Variants in BRIP1 observed in about 807,000 individuals in gnomAD.
BRIP1 encodes BRCA1 interacting DNA helicase 1, also known as Fanconi anemia group J protein.
BRIP1 carries 88 observed loss-of-function variants against 119.7 expected under a neutral mutation model. The ratio of observed to expected loss-of-function variants is 0.74; its 90% CI spans 0.62 to 0.88. BRIP1 has a LOEUF of 0.88. BRIP1 is among the 40% of genes least tolerant of loss of function. The pLI is 0.00. For missense variants in BRIP1, 1,259 were observed against 1,455.4 expected, an observed-to-expected ratio of 0.87 and a Z score of 2.20; for synonymous variants, 443 against 496.5, an observed-to-expected ratio of 0.89 and a Z score of 1.43.
In BRIP1 at chr17:61,755,388, T is replaced by C. The variant is rs909172834; in HGVS notation, c.2098-10797A>G. On this transcript the variant is annotated intron_variant, in intron 14 of 19. Transcript: ENST00000259008. This position sits in a 1 kb window ranked among gnomAD's most constrained non-coding sequence, Gnocchi z 4.5. ...CAGCCTGGGCAACTTGGCAAAACCC[T>C]GTATCTACAAAAGTACAAAAATTAG... Among the ~76,000 whole-genome samples the C allele has an allele frequency of 2.0e-5, 3 of 151,900 alleles. No homozygotes were observed. The highest frequency in any genetic ancestry group is 7.3e-5 in the African/African-American group (3 of 41,360).
rs190009367 is a variant in BRIP1 at position 61,862,620 on chromosome 17, A to C, written c.-31+664T>G. ...CATGATTGCATTTTTCTGAAGAAAA[A>C]GTCCATAGATTTCTCTTCCCGTAAA... On this transcript the variant is annotated intron_variant, in intron 1 of 19. Transcript: ENST00000259008. This position sits in a 1 kb window ranked among gnomAD's most constrained non-coding sequence, Gnocchi z 5.3. Among the ~76,000 whole-genome samples the C allele has an allele frequency of 6.6e-6, 1 of 152,322 alleles. No homozygotes were observed. Among genetic ancestry groups the C allele is most frequent in the East Asian group, 1.9e-4 (1 of 5,192 alleles).
In BRIP1 at chr17:61,801,162, A is replaced by AG. The variant is rs2077983871; in HGVS notation, c.1140+90_1140+91insC. 8.8e-6 allele frequency: 10 copies of AG among 1,134,284 alleles called. No homozygotes were observed. The South Asian group carries it at 1.2e-4, about 14-fold the overall frequency. The allele number at this position is 1,134,284 out of a possible 1,614,324, so 70.3% of individuals were successfully genotyped here. ...CAAATTTATTTACATAAATTAAAGC[A>AG]AAAAAAATTAAAACATCTAAAAGCT... On this transcript the variant is annotated intron_variant, in intron 8 of 19. Transcript: ENST00000259008.
Position 61,861,384 on chromosome 17 carries a change from T to G in BRIP1, c.93+63A>C. The G allele has an allele frequency of 2.8e-6, 3 of 1,075,040 alleles. No homozygotes were observed. The highest frequency in any genetic ancestry group is 2.5e-5 in the South Asian group (2 of 78,436). 66.6% of individuals were successfully genotyped at this position (1,075,040 alleles called of 1,614,324 possible). Reference sequence around the variant, plus strand: ...AATATGAATGCAGTCAAATACTCAATGTACTTTATGGGTCATAAGTATCTA... The same window carrying G: ...AATATGAATGCAGTCAAATACTCAAGGTACTTTATGGGTCATAAGTATCTA... On this transcript the variant is annotated intron_variant, in intron 2 of 19. Transcript: ENST00000259008. The surrounding 1 kb of genome is among the most constrained non-coding windows in gnomAD (Gnocchi z 4.5).
Position 61,687,082 on chromosome 17 carries a change from G to A in BRIP1, c.2576-917C>T, listed in dbSNP as rs1228597405. On this transcript the variant is annotated intron_variant, in intron 18 of 19. Transcript: ENST00000259008. This position sits in a 1 kb window ranked among gnomAD's most constrained non-coding sequence, Gnocchi z 5.1. ...AAAATATGTGAAATTCTCTAAAATTGAAAATTTTTAGGCTGAGTGTGGTGG... is the reference window on the plus strand; with the variant it reads ...AAAATATGTGAAATTCTCTAAAATTAAAAATTTTTAGGCTGAGTGTGGTGG... 1.3e-5 allele frequency among the ~76,000 whole-genome samples: 2 copies of A among 151,978 alleles called. No homozygotes were observed. Among genetic ancestry groups the A allele is most frequent in the Non-Finnish European group, 1.5e-5 (1 of 68,014 alleles).
At position 61,808,632 on chromosome 17, in the gene BRIP1, G is replaced by A. The variant is rs876659416; in HGVS notation, c.753C>T (p.Arg251=). ...SKIPKIYFGT[R]THKQIAQITR... ...TAATCTGAGCAATCTGCTTGTGTGT[G>A]CGTGTCCCAAAATATATTTTGGGTA... Residue 251 remains arginine (R), a synonymous_variant, in exon 7 of 20, where the codon CGC becomes CGT. Coordinates refer to ENST00000259008, the MANE Select transcript of BRIP1 (RefSeq NM_032043.3). This position sits in a 1 kb window ranked among gnomAD's most constrained non-coding sequence, Gnocchi z 4.1. The A allele has an allele frequency of 1.9e-6, 3 of 1,613,846 alleles. No homozygotes were observed. Among genetic ancestry groups the A allele is most frequent in the Non-Finnish European group, 2.5e-6 (3 of 1,179,926 alleles).
At chr17:61,727,734 T>C (rs972613648) in intron 16 of BRIP1, among the ~76,000 whole-genome samples, 3 of 151,340 alleles carry the variant, frequency 2.0e-5, no homozygotes, top group African/African-American at 2.4e-5. Context: ...CTGCATTTCA[T>C]TGTGGGCAAC....
Position 61,744,682 on chromosome 17 carries a change from A to G in BRIP1, c.2098-91T>C, listed in dbSNP as rs2077036639. 3 of 1,088,586 alleles carry G rather than the reference A, an allele frequency of 2.8e-6. No homozygotes were observed. Among genetic ancestry groups the G allele is most frequent in the East Asian group, 4.7e-5 (2 of 42,288 alleles). 67.4% of individuals were successfully genotyped at this position (1,088,586 alleles called of 1,614,324 possible). On this transcript the variant is annotated intron_variant, in intron 14 of 19. Coordinates refer to ENST00000259008, the MANE Select transcript of BRIP1 (RefSeq NM_032043.3). This position sits in a 1 kb window ranked among gnomAD's most constrained non-coding sequence, Gnocchi z 5.0. The stretch of plus-strand genomic sequence containing the variant: ...TTAAGCCAATGTGACTACGGCAAGT[A>G]TATTAATCTCTCTGTGTCTTTTCTC...
intron 17 of BRIP1, among the ~76,000 whole-genome samples, chr17:61,714,871 G>T (rs56218811): frequency 0.39 from 55,439 of 142,348 alleles, 10,980 homozygotes; most frequent in Middle Eastern, 0.51. Flanking sequence ...GCATGATTTT[G>T]GCTCACTGCA....
chr17:61,835,952 T>C (rs1258393291), intron 6 of BRIP1, among the ~76,000 whole-genome samples: 1 of 152,114 alleles, frequency 6.6e-6, no homozygotes, highest in Non-Finnish European at 1.5e-5. Context: ...TATAAATTTA[T>C]AGAAACGGAT....
chr17:61,692,513 C>A (rs1416449304), intron 18 of BRIP1, among the ~76,000 whole-genome samples: 1 of 151,730 alleles, frequency 6.6e-6, no homozygotes, highest in Non-Finnish European at 1.5e-5. Flanking sequence ...AACAGATATG[C>A]AAAGAAATCC....
chr17:61,808,665 T>C lies in BRIP1; in HGVS notation c.720A>G (p.Lys240=), dbSNP rs1259212372. The part of the protein sequence containing the change: ...SNTIKKDHTG[K]SKIPKIYFGT... The stretch of plus-strand genomic sequence containing the variant: ...CAAAATATATTTTGGGTATCTTGGA[T>C]TTCCCTGTATGATCCTTCTTAATGG... The change falls in exon 7 of 20, where the codon AAA becomes AAG. Residue 240 remains lysine (K), a synonymous_variant. Coordinates refer to ENST00000259008, the MANE Select transcript of BRIP1 (RefSeq NM_032043.3). The surrounding 1 kb of genome is among the most constrained non-coding windows in gnomAD (Gnocchi z 4.1). 6.2e-7 allele frequency: 1 copy of C among 1,614,014 alleles called. No individual in the cohort carries two copies. Among genetic ancestry groups the C allele is most frequent in the South Asian group, 1.1e-5 (1 of 91,082 alleles).
intron 11 of BRIP1, 35 bp from the exon 12 acceptor site, chr17:61,781,040 A>G (rs771479290): frequency 1.2e-6 from 2 of 1,606,522 alleles, no homozygotes; most frequent in Non-Finnish European, 1.7e-6. Flanking sequence ...AAGTGGCAAA[A>G]CTTTTAAAAC....
In BRIP1 at chr17:61,746,580, CAA is replaced by C. The variant is rs1447804414; in HGVS notation, c.2098-1991_2098-1990del. Among the ~76,000 whole-genome samples the C allele has an allele frequency of 5.4e-5, 4 of 74,226 alleles. No individual in the cohort carries two copies. Among genetic ancestry groups the C allele is most frequent in the Admixed American group, 2.0e-4 (2 of 10,130 alleles). 48.7% of individuals were successfully genotyped at this position (74,226 alleles called of 152,430 possible). A position where few individuals can be genotyped will look rare whatever the true frequency, so the allele number is the denominator to read the frequency against. On this transcript the variant is annotated intron_variant, in intron 14 of 19. Coordinates refer to ENST00000259008, the MANE Select transcript of BRIP1 (RefSeq NM_032043.3). This position sits in a 1 kb window ranked among gnomAD's most constrained non-coding sequence, Gnocchi z 4.9. The stretch of plus-strand genomic sequence containing the variant: ...ATAGATTCTAAGTCAAAAATTGTCA[CAA>C]GAGACAAAAAAAAAGGACATTATAT...
In BRIP1 at chr17:61,736,429, T is replaced by C. The variant is rs532728232; in HGVS notation, c.2379+6584A>G. Among the ~76,000 whole-genome samples, 2 of 152,316 alleles carry C rather than the reference T, an allele frequency of 1.3e-5. No individual in the cohort carries two copies. The highest frequency in any genetic ancestry group is 4.1e-4 in the South Asian group (2 of 4,830). ...TCCACTTATTATGTTCTACTATGTA[T>C]TAAATAAAGTGTAAGATGCTGTTGA... is the stretch of plus-strand genomic sequence containing the variant. On this transcript the variant is annotated intron_variant, in intron 16 of 19. Transcript: ENST00000259008. This position sits in a 1 kb window ranked among gnomAD's most constrained non-coding sequence, Gnocchi z 4.4.
At position 61,847,152 on chromosome 17, in the gene BRIP1, A is replaced by G. The variant is rs781282996; in HGVS notation, c.576T>C (p.Thr192=). 3.7e-6 allele frequency: 6 copies of G among 1,613,692 alleles called. No homozygotes were observed. The highest frequency in any genetic ancestry group is 5.1e-6 in the Non-Finnish European group (6 of 1,179,630). ...TTTCCAGTGGAGAGTTGAGTTTTACAGTCTTTCCTGAATCAACTTTTGCAT... is the reference window on the plus strand; with the variant it reads ...TTTCCAGTGGAGAGTTGAGTTTTACGGTCTTTCCTGAATCAACTTTTGCAT... ...NLDAKVDSGK[T]VKLNSPLEKI... The change falls in exon 6 of 20, where the codon ACT becomes ACC. Residue 192 remains threonine (T), a synonymous_variant. Transcript: ENST00000259008.
rs2145644175 is a variant in BRIP1 at position 61,834,445 on chromosome 17, A to G, written c.627+12656T>C. On this transcript the variant is annotated intron_variant, in intron 6 of 19. Coordinates refer to ENST00000259008, the MANE Select transcript of BRIP1 (RefSeq NM_032043.3). The surrounding 1 kb of genome is among the most constrained non-coding windows in gnomAD (Gnocchi z 4.4). ...CATAGTAGTGTTCTCTATGGTGGAA[A>G]TGTTTACATATATACTCAGTTGATA... Among the ~76,000 whole-genome samples, 2 of 152,216 alleles carry G rather than the reference A, an allele frequency of 1.3e-5. 1 individual carries two copies. The highest frequency in any genetic ancestry group is 3.9e-4 in the East Asian group (2 of 5,168).
At chr17:61,835,338 AACT>A (rs2078555949) in intron 6 of BRIP1, among the ~76,000 whole-genome samples, 1 of 152,152 alleles carries the variant, frequency 6.6e-6, no homozygotes, top group Non-Finnish European at 1.5e-5. Flanking sequence ...AGGACAAGAC[AACT>A]ACTAGCACCA....
In BRIP1 at chr17:61,780,982, G is replaced by T. The variant is rs375246789; in HGVS notation, c.1652C>A (p.Ala551Glu). The T allele has an allele frequency of 1.5e-5, 24 of 1,613,646 alleles. No individual in the cohort carries two copies. The highest frequency in any genetic ancestry group is 6.7e-5 in the East Asian group (3 of 44,868). Residue 551 changes from alanine (A) to glutamate (E), a missense_variant, in exon 12 of 20, where the codon GCG becomes GAG. Physicochemically the swap from Ala to Glu is moderately radical, Grantham distance 107. Coordinates refer to ENST00000259008, the MANE Select transcript of BRIP1 (RefSeq NM_032043.3). The surrounding 1 kb of genome is among the most constrained non-coding windows in gnomAD (Gnocchi z 5.4). ...NSRFADDYKI[A>E]IQQTYSWTNQ... ...TGTCCAGGAGTAAGTCTGTTGAATCGCAATTTTATAATCATCTGCAAATCT... is the reference window on the plus strand; with the variant it reads ...TGTCCAGGAGTAAGTCTGTTGAATCTCAATTTTATAATCATCTGCAAATCT...
In BRIP1 at chr17:61,755,822, G is replaced by T. The variant is rs2077193381; in HGVS notation, c.2098-11231C>A. ...AATAGGATACTAAGTCTGAGATACT[G>T]CAAGTTACGAGAGGAAAGGATGGTC... On this transcript the variant is annotated intron_variant, in intron 14 of 19. Coordinates refer to ENST00000259008, the MANE Select transcript of BRIP1 (RefSeq NM_032043.3). The surrounding 1 kb of genome is among the most constrained non-coding windows in gnomAD (Gnocchi z 4.5). Among the ~76,000 whole-genome samples the T allele has an allele frequency of 6.6e-6, 1 of 152,148 alleles. No individual in the cohort carries two copies. The highest frequency in any genetic ancestry group is 1.5e-5 in the Non-Finnish European group (1 of 68,024).
Sources: allele counts gnomAD v4.1 joint callset (sites outside exome capture counted in the v4.1 genomes callset), GRCh38; gene constraint gnomAD v4.1.1; non-coding constraint Gnocchi (gnomAD v3.1); transcripts MANE v1.5; gene names NCBI Gene and HGNC (gene_info 2026-07-23, HGNC 2026-07-21).